Variants in ELAVL4 observed in about 807,000 individuals in gnomAD.
ELAVL4 encodes the protein ELAV-like protein 4.
Under a neutral mutation model 35.6 loss-of-function variants are expected in ELAVL4, and 1 was observed. The ratio of observed to expected loss-of-function variants is 0.03; its 90% CI spans 0.01 to 0.13. ELAVL4 has a LOEUF of 0.13. Among genes scored for constraint, ELAVL4 ranks in the 10% least tolerant of loss-of-function variants. The probability of loss-of-function intolerance (pLI) is 1.00; values close to 1 mark genes in which losing one functional copy is unlikely to be tolerated. For missense variants in ELAVL4, 267 were observed against 464.9 expected, an observed-to-expected ratio of 0.57 and a Z score of 3.91; for synonymous variants, 156 against 171.0, an observed-to-expected ratio of 0.91 and a Z score of 0.69.
intron 1 of ELAVL4, chr1:50,048,218 C>A: frequency 6.7e-7 from 1 of 1,499,150 alleles, no homozygotes; most frequent in Non-Finnish European, 8.9e-7. Flanking sequence ...GCACCCCCGA[C>A]TCTGCCCGCC....
intron 1 of ELAVL4, among the ~76,000 whole-genome samples, chr1:50,118,610 A>C (rs1182882287): frequency 1.3e-5 from 2 of 152,012 alleles, no homozygotes; most frequent in African/African-American, 2.4e-5. Flanking sequence ...TGTTAGGTTA[A>C]ACCTAATTTT....
intron 1 of ELAVL4, among the ~76,000 whole-genome samples, chr1:50,051,666 T>C (rs908957541): frequency 6.6e-6 from 1 of 152,204 alleles, no homozygotes; most frequent in South Asian, 2.1e-4. Flanking sequence ...TATTCACTCA[T>C]GGTACTGCAT....
chr1:50,071,938 G>C (rs1325434717), intron 1 of ELAVL4, among the ~76,000 whole-genome samples: 1 of 152,112 alleles, frequency 6.6e-6, no homozygotes, highest in African/African-American at 2.4e-5. Context: ...TGCATATAAA[G>C]TGCTTGGCAT....
At chr1:50,116,082 T>C (rs1424306311) in intron 1 of ELAVL4, among the ~76,000 whole-genome samples, 1 of 152,138 alleles carries the variant, frequency 6.6e-6, no homozygotes, top group Non-Finnish European at 1.5e-5. Context: ...AAGAGATCTT[T>C]TGGACATTTT....
At chr1:50,153,343 G>GT (rs1199085350) in intron 2 of ELAVL4, among the ~76,000 whole-genome samples, 2 of 152,190 alleles carry the variant, frequency 1.3e-5, no homozygotes, top group African/African-American at 4.8e-5. Flanking sequence ...TATTATAGAT[G>GT]TTATCTCATT....
intron 6 of ELAVL4, 175 bp downstream of exon 6, chr1:50,197,642 A>G: frequency 1.8e-6 from 1 of 550,256 alleles, no homozygotes; most frequent in Non-Finnish European, 3.0e-6. Flanking sequence ...TGTTTCTTTT[A>G]GGGCACACAA....
At chr1:50,192,443 T>C (rs1196237938) in intron 3 of ELAVL4, among the ~76,000 whole-genome samples, 1 of 151,872 alleles carries the variant, frequency 6.6e-6, no homozygotes, top group African/African-American at 2.4e-5. Context: ...ACATTACTGC[T>C]GGAGGTTTAG....
At chr1:50,111,308 T>C (rs546456978) in intron 1 of ELAVL4, among the ~76,000 whole-genome samples, 1 of 151,956 alleles carries the variant, frequency 6.6e-6, no homozygotes, top group East Asian at 1.9e-4. Context: ...CAAGGAATCC[T>C]GTGAGACCAT....
chr1:50,195,438 C>T, intron 4 of ELAVL4, 123 bp from the exon 5 acceptor site: 1 of 1,035,260 alleles, frequency 9.7e-7, no homozygotes, highest in Non-Finnish European at 1.5e-6. Flanking sequence ...GGGAGCTGGG[C>T]TCAGCCCTGG....
intron 1 of ELAVL4, among the ~76,000 whole-genome samples, chr1:50,091,371 T>C (rs1665486241): frequency 6.6e-6 from 1 of 152,182 alleles, no homozygotes; most frequent in African/African-American, 2.4e-5. Context: ...CTGGGACCAA[T>C]AATGAGGCTA....
chr1:50,085,002 G>C (rs1365498985), intron 1 of ELAVL4, among the ~76,000 whole-genome samples: 1 of 152,066 alleles, frequency 6.6e-6, no homozygotes, highest in Non-Finnish European at 1.5e-5. Flanking sequence ...CTATCATTAT[G>C]ATAGTTTCAT....
intron 1 of ELAVL4, among the ~76,000 whole-genome samples, chr1:50,070,685 G>A (rs1664475748): frequency 7.0e-6 from 1 of 143,486 alleles, no homozygotes; most frequent in Non-Finnish European, 1.5e-5. Context: ...AGGTTGCAGT[G>A]AGCAGAGATC....
chr1:50,137,872 C>T (rs533169523), intron 1 of ELAVL4, among the ~76,000 whole-genome samples: 19 of 152,248 alleles, frequency 1.2e-4, no homozygotes, highest in African/African-American at 3.6e-4. Flanking sequence ...TCCTTGTTCT[C>T]TTCTAATAAT....
intron 1 of ELAVL4, among the ~76,000 whole-genome samples, chr1:50,071,748 C>T (rs1339828709): frequency 6.6e-6 from 1 of 152,098 alleles, no homozygotes; most frequent in Non-Finnish European, 1.5e-5. Context: ...TATAGGGTGA[C>T]TTTGATCAAG....
At chr1:50,165,425 G>GAT (rs1408365332) in intron 2 of ELAVL4, among the ~76,000 whole-genome samples, 1 of 142,526 alleles carries the variant, frequency 7.0e-6, no homozygotes, top group East Asian at 2.3e-4. Flanking sequence ...GAACTAACAG[G>GAT]AGATATATAT....
intron 3 of ELAVL4, among the ~76,000 whole-genome samples, chr1:50,185,322 A>G (rs575184735): frequency 6.6e-6 from 1 of 152,384 alleles, no homozygotes; most frequent in African/African-American, 2.4e-5. Flanking sequence ...TGGGCAACTT[A>G]CTTTACTTCT....
intron 1 of ELAVL4, among the ~76,000 whole-genome samples, chr1:50,066,630 A>AAAATACT (rs1182878649): frequency 6.6e-6 from 1 of 152,190 alleles, no homozygotes; most frequent in Non-Finnish European, 1.5e-5. Flanking sequence ...TGCAGAGTAA[A>AAAATACT]AAATACTATG....
Position 50,203,042 on chromosome 1 carries a change from C to CA in ELAVL4, c.*1871dup, listed in dbSNP as rs1644448130. On this transcript the variant is annotated 3_prime_UTR_variant, in exon 7 of 7. Transcript: ENST00000371824. Reference sequence around the variant, plus strand: ...TTATATATTTAAAACGAAAACAAAACAAAAAAATACAAGGGTTCATGCTCT... The same window carrying CA: ...TTATATATTTAAAACGAAAACAAAACAAAAAAAATACAAGGGTTCATGCTCT... 6.6e-6 allele frequency: 1 copy of CA among 151,898 alleles called. No homozygotes were observed. Among genetic ancestry groups the CA allele is most frequent in the South Asian group, 2.1e-4 (1 of 4,826 alleles). The allele number at this position is 151,898 out of a possible 1,614,324, so 9.4% of individuals were successfully genotyped here. A position where few individuals can be genotyped will look rare whatever the true frequency, so the allele number is the denominator to read the frequency against.
At chr1:50,141,121 C>T (rs1040240713) in intron 1 of ELAVL4, among the ~76,000 whole-genome samples, 2 of 152,206 alleles carry the variant, frequency 1.3e-5, no homozygotes, top group African/African-American at 4.8e-5. Flanking sequence ...TGGACAAGTG[C>T]TGGCTTTCAC....
Sources: gnomAD v4.1 joint callset for allele counts (sites outside exome capture counted in the v4.1 genomes callset) on GRCh38, gnomAD v4.1.1 for gene constraint, MANE v1.5 for transcripts, NCBI Gene and HGNC (gene_info 2026-07-23, HGNC 2026-07-21) for gene names.